Variants in NOTO observed in about 807,000 individuals in gnomAD.
The protein encoded by NOTO is notochord homeobox, also known as homeobox protein notochord.
Under a neutral mutation model 20.5 loss-of-function variants are expected in NOTO, and 19 were observed. The ratio of observed to expected loss-of-function variants is 0.93; its 90% CI spans 0.65 to 1.36. The LOEUF (loss-of-function observed/expected upper bound fraction) is 1.36. NOTO is among the 40% of genes most tolerant of loss of function. The pLI is 0.00. For missense variants in NOTO, 369 were observed against 336.2 expected (o/e 1.10, Z -0.76); for synonymous variants, 150 against 150.2 (o/e 1.00, Z 0.01).
rs896235020 is a variant in NOTO, at chr2:73,211,096, T to C, written c.*167T>C. 2.1e-5 allele frequency: 12 copies of C among 562,330 alleles called. No homozygotes were observed. In the African/African-American group the frequency reaches 2.3e-4, roughly 11 times the overall value. The allele number at this position is 562,330 out of a possible 1,614,324, so 34.8% of individuals were successfully genotyped here. ...TACTGATTCCTGGAAACTGGAATAA[T>C]GTAATGATTGGAGGCACAGACTCTG... On this transcript the variant is annotated 3_prime_UTR_variant, in exon 3 of 3. Coordinates refer to ENST00000398468, the MANE Select transcript of NOTO (RefSeq NM_001134462.2).
intron 1 of NOTO, among the ~76,000 whole-genome samples, chr2:73,203,404 G>C (rs1686034814): frequency 6.6e-6 from 1 of 152,066 alleles, no homozygotes; most frequent in Non-Finnish European, 1.5e-5. Context: ...ACACCCCGGG[G>C]TAGCGCTTAG....
At chr2:73,205,450 G>C (rs891484911) in intron 1 of NOTO, among the ~76,000 whole-genome samples, 28 of 151,986 alleles carry the variant, frequency 1.8e-4, no homozygotes, top group African/African-American at 6.8e-4. Flanking sequence ...GTGAGCCGAG[G>C]TCAAGCCACT....
chr2:73,202,853 C>G lies in NOTO; in HGVS notation c.187C>G (p.Pro63Ala), dbSNP rs565299081. Residue 63 changes from proline (P) to alanine (A), a missense_variant, in exon 1 of 3, where the codon CCG becomes GCG. Pro to Ala is a conservative substitution (Grantham distance 27). Coordinates refer to ENST00000398468, the MANE Select transcript of NOTO (RefSeq NM_001134462.2). Reference sequence around the variant, plus strand: ...CCTGGCGAGGCCCGACCCCTGCGCGCCGGCGGCCTCCCAGCCGTCGGGCTC... The same window carrying G: ...CCTGGCGAGGCCCGACCCCTGCGCGGCGGCGGCCTCCCAGCCGTCGGGCTC... ...AILARPDPCAPAASQPSGSAC... is the reference protein window; with the variant it reads ...AILARPDPCAAAASQPSGSAC... 587 of 1,526,734 alleles carry G rather than the reference C, an allele frequency of 3.8e-4. 4 individuals carry two copies. The African/African-American group carries it at 7.4e-3, about 19-fold the overall frequency. 94.6% of individuals were successfully genotyped at this position (1,526,734 alleles called of 1,614,324 possible). A position where few individuals can be genotyped will look rare whatever the true frequency, so the allele number is the denominator to read the frequency against.
intron 1 of NOTO, 104 bp from the exon 2 acceptor site, chr2:73,208,296 G>C: frequency 1.4e-6 from 1 of 705,722 alleles, no homozygotes; most frequent in Non-Finnish European, 2.5e-6. Context: ...CAAGGTAGCA[G>C]AGCTGTGTGT....
intron 1 of NOTO, among the ~76,000 whole-genome samples, chr2:73,204,936 A>C (rs1686069656): frequency 7.3e-6 from 1 of 137,404 alleles, no homozygotes; most frequent in Non-Finnish European, 1.5e-5. Context: ...GCTGGAGTGC[A>C]GTGGTGCAAT....
At chr2:73,203,689 G>A (rs1265749134) in intron 1 of NOTO, among the ~76,000 whole-genome samples, 2 of 152,232 alleles carry the variant, frequency 1.3e-5, no homozygotes, top group South Asian at 2.1e-4. Flanking sequence ...GTAAGGTTGG[G>A]CGCGGTGGCT....
chr2:73,209,380 T>A (rs923584458), intron 2 of NOTO, among the ~76,000 whole-genome samples: 1 of 152,142 alleles, frequency 6.6e-6, no homozygotes, highest in East Asian at 1.9e-4. Context: ...CATTCCAACA[T>A]GACTTTTCCC....
Position 73,202,936 on chromosome 2 carries a change from GC to G in NOTO, c.273del (p.Trp92GlyfsTer12). On this transcript the variant is annotated frameshift_variant, in exon 1 of 3. Transcript: ENST00000398468. LOFTEE classifies it high-confidence loss of function. ...AASLCATGGL[P>X]WACPTSWLPA... ...CTTCCCTGTGCGCCACCGGGGGTCT[GC>G]CCTGGGCTTGCCCGACATCGTGGCT... The G allele has an allele frequency of 1.3e-6, 2 of 1,519,424 alleles. No individual in the cohort carries two copies. The highest frequency in any genetic ancestry group is 1.7e-4 in the Middle Eastern group (1 of 5,854). The allele number at this position is 1,519,424 out of a possible 1,614,324, so 94.1% of individuals were successfully genotyped here.
At chr2:73,203,420 G>C (rs960445783) in intron 1 of NOTO, among the ~76,000 whole-genome samples, 11 of 151,944 alleles carry the variant, frequency 7.2e-5, no homozygotes, top group African/African-American at 2.7e-4. Flanking sequence ...CTTAGTGACA[G>C]AGACGCTTCC....
intron 1 of NOTO, 120 bp from the exon 2 acceptor site, chr2:73,208,280 G>A (rs1454462957): frequency 3.1e-6 from 2 of 651,304 alleles, no homozygotes. Context: ...CTGGCCAAGG[G>A]GAAGGCAAGG....
rs1301645413 is a variant in NOTO, at chr2:73,208,576, G to A, written c.559G>A (p.Ala187Thr). 1.3e-6 allele frequency: 2 copies of A among 1,551,502 alleles called. No individual in the cohort carries two copies. The highest frequency in any genetic ancestry group is 1.7e-6 in the Non-Finnish European group (2 of 1,146,936). ...KQHNLVGKKR[A>T]QLAARLKLTE... Reference sequence around the variant, plus strand: ...GCACAATCTGGTGGGGAAGAAGAGAGCCCAGCTGGCAGCTCGGCTCAAACT... The same window carrying A: ...GCACAATCTGGTGGGGAAGAAGAGAACCCAGCTGGCAGCTCGGCTCAAACT... The change falls in exon 2 of 3, where the codon GCC becomes ACC. Residue 187 changes from alanine (A) to threonine (T), a missense_variant. Coordinates refer to ENST00000398468, the MANE Select transcript of NOTO (RefSeq NM_001134462.2).
Position 73,208,592 on chromosome 2 carries a change from G to C in NOTO, c.575G>C (p.Arg192Pro). ...VGKKRAQLAA[R>P]LKLTENQVRV... ...AAGAAGAGAGCCCAGCTGGCAGCTC[G>C]GCTCAAACTTACAGAGAACCAGGTG... The change falls in exon 2 of 3, where the codon CGG becomes CCG. Residue 192 changes from arginine (R) to proline (P), a missense_variant. Transcript: ENST00000398468. The C allele has an allele frequency of 1.9e-6, 3 of 1,551,100 alleles. No individual in the cohort carries two copies. The highest frequency in any genetic ancestry group is 2.6e-6 in the Non-Finnish European group (3 of 1,146,766).
chr2:73,211,917 A>G lies in NOTO; in HGVS notation c.*988A>G, dbSNP rs1175742106. 1 of 152,190 alleles carries G rather than the reference A, an allele frequency of 6.6e-6. No individual in the cohort carries two copies. Among genetic ancestry groups the G allele is most frequent in the African/African-American group, 2.4e-5 (1 of 41,438 alleles). 9.4% of individuals were successfully genotyped at this position (152,190 alleles called of 1,614,324 possible). A position where few individuals can be genotyped will look rare whatever the true frequency, so the allele number is the denominator to read the frequency against. ...GATGAAGACCAAATATATATTTCATAATATCACAGCTCCCCTCACCTGGGG... is the reference window on the plus strand; with the variant it reads ...GATGAAGACCAAATATATATTTCATGATATCACAGCTCCCCTCACCTGGGG... On this transcript the variant is annotated 3_prime_UTR_variant, in exon 3 of 3. Coordinates refer to ENST00000398468, the MANE Select transcript of NOTO (RefSeq NM_001134462.2).
chr2:73,202,879 C>T lies in NOTO; in HGVS notation c.213C>T (p.Ser71=). 1 of 1,527,534 alleles carries T rather than the reference C, an allele frequency of 6.5e-7. No individual in the cohort carries two copies. The highest frequency in any genetic ancestry group is 8.8e-7 in the Non-Finnish European group (1 of 1,142,464). 94.6% of individuals were successfully genotyped at this position (1,527,534 alleles called of 1,614,324 possible). The change falls in exon 1 of 3, where the codon TCC becomes TCT. Residue 71 remains serine (S), a synonymous_variant. Coordinates refer to ENST00000398468, the MANE Select transcript of NOTO (RefSeq NM_001134462.2). ...CAPAASQPSG[S]ACVHPAFWTA... is the part of the protein sequence containing the mutation. ...CGGCGGCCTCCCAGCCGTCGGGCTC[C>T]GCCTGCGTCCACCCGGCCTTCTGGA... is the stretch of plus-strand genomic sequence containing the variant.
chr2:73,212,386 C>T lies in NOTO; in HGVS notation c.*1457C>T, dbSNP rs1686197827. ...CTTGAATTCCAGGCTTCAAGTGGTTCTCCTGCCTTGGCCTCCCAAAGCCCC... is the reference window on the plus strand; with the variant it reads ...CTTGAATTCCAGGCTTCAAGTGGTTTTCCTGCCTTGGCCTCCCAAAGCCCC... On this transcript the variant is annotated 3_prime_UTR_variant, in exon 3 of 3. Transcript: ENST00000398468. 1 of 152,266 alleles carries T rather than the reference C, an allele frequency of 6.6e-6. No homozygotes were observed. The allele number at this position is 152,266 out of a possible 1,614,324, so 9.4% of individuals were successfully genotyped here. A position where few individuals can be genotyped will look rare whatever the true frequency, so the allele number is the denominator to read the frequency against.
chr2:73,207,131 A>C (rs1686099306), intron 1 of NOTO, among the ~76,000 whole-genome samples: 1 of 152,036 alleles, frequency 6.6e-6, no homozygotes, highest in South Asian at 2.1e-4. Context: ...AGTACAGCCT[A>C]CTTTCTTCTC....
chr2:73,203,853 C>CTACTCAGGAGGCT (rs1362772783), intron 1 of NOTO, among the ~76,000 whole-genome samples: 28 of 144,338 alleles, frequency 1.9e-4, no homozygotes, highest in African/African-American at 2.7e-4. Flanking sequence ...GTAATCCCAG[C>CTACTCAGGAGGCT]ACTTTGGGAG....
In NOTO at chr2:73,202,959, G is replaced by T. The variant is rs1363744720; in HGVS notation, c.293G>T (p.Trp98Leu). Residue 98 changes from tryptophan (W) to leucine (L), a missense_variant, in exon 1 of 3, where the codon TGG becomes TTG. Transcript: ENST00000398468. ...GGLPWACPTS[W>L]LPAYLSVGFY... ...CTGCCCTGGGCTTGCCCGACATCGT[G>T]GCTGCCCGCCTACCTGAGCGTAGGT... The T allele has an allele frequency of 6.6e-7, 1 of 1,512,894 alleles. No individual in the cohort carries two copies. Among genetic ancestry groups the T allele is most frequent in the Non-Finnish European group, 8.8e-7 (1 of 1,134,138 alleles). The allele number at this position is 1,512,894 out of a possible 1,614,324, so 93.7% of individuals were successfully genotyped here.
At chr2:73,209,118 T>A (rs1686130758) in intron 2 of NOTO, among the ~76,000 whole-genome samples, 1 of 142,276 alleles carries the variant, frequency 7.0e-6, no homozygotes, top group South Asian at 2.1e-4. Context: ...GAGGTTGCAG[T>A]GAGCGGAGAT....
Sources: allele counts gnomAD v4.1 joint callset (sites outside exome capture counted in the v4.1 genomes callset), GRCh38; gene constraint gnomAD v4.1.1; transcripts MANE v1.5; gene names NCBI Gene and HGNC (gene_info 2026-07-23, HGNC 2026-07-21).